Variants in WWTR1 observed in about 807,000 individuals in gnomAD.
WWTR1 encodes the protein WW domain-containing transcription regulator protein 1.
A neutral mutation model predicts 40.1 loss-of-function variants in WWTR1; 13 were observed. The observed-to-expected ratio is 0.32, with a 90% CI of 0.21 to 0.52. WWTR1 has a LOEUF of 0.52. WWTR1 is among the 20% of genes least tolerant of loss of function. The pLI is 0.97. For synonymous variants in WWTR1, 230 were observed against 210.1 expected, an observed-to-expected ratio of 1.09 and a Z score of -0.82; for missense variants, 436 against 523.1, an observed-to-expected ratio of 0.83 and a Z score of 1.63.
intron 5 of WWTR1, among the ~76,000 whole-genome samples, chr3:149,716,064 T>C (rs1042511986): frequency 2.6e-5 from 4 of 152,096 alleles, no homozygotes; most frequent in South Asian, 2.1e-4. Flanking sequence ...GAATTTACTA[T>C]TCAGGGCTAT....
At chr3:149,662,112 A>T (rs930828140), upstream of WWTR1, among the ~76,000 whole-genome samples, 5 of 152,204 alleles carry the variant, frequency 3.3e-5, no homozygotes, top group Non-Finnish European at 5.9e-5. Context: ...GGAGACCTAA[A>T]GATAAGGAAA....
chr3:149,594,736 C>CCACA (rs112400903), intron 2 of WWTR1, among the ~76,000 whole-genome samples: 96 of 149,330 alleles, frequency 6.4e-4, no homozygotes, highest in African/African-American at 1.9e-3. Flanking sequence ...CACACACACA[C>CCACA]CACACACACA....
intron 1 of WWTR1, among the ~76,000 whole-genome samples, chr3:149,681,397 T>C (rs6793987): frequency 0.3 from 45,460 of 151,962 alleles, 7,079 homozygotes; most frequent in Admixed American, 0.39. Context: ...TGATACCTCA[T>C]TGTGGTTTTG....
intron 2 of WWTR1, among the ~76,000 whole-genome samples, chr3:149,611,166 A>C (rs750092807): frequency 3.3e-5 from 5 of 152,072 alleles, no homozygotes; most frequent in Non-Finnish European, 7.4e-5. Flanking sequence ...TAAGAATAAT[A>C]GTAAAAGTTT....
At chr3:149,675,138 T>C (rs1241643669) in intron 1 of WWTR1, among the ~76,000 whole-genome samples, 1 of 151,976 alleles carries the variant, frequency 6.6e-6, no homozygotes, top group African/African-American at 2.4e-5. Flanking sequence ...AGAACTCCAG[T>C]TTTATTTGGG....
intron 2 of WWTR1, among the ~76,000 whole-genome samples, chr3:149,667,700 C>A (rs1180856965): frequency 6.6e-6 from 1 of 152,122 alleles, no homozygotes; most frequent in Non-Finnish European, 1.5e-5. Context: ...TCACATGAAG[C>A]TCTTAACAGC....
chr3:149,647,306 T>G (rs1712586659), intron 2 of WWTR1, among the ~76,000 whole-genome samples: 1 of 152,234 alleles, frequency 6.6e-6, no homozygotes, highest in Non-Finnish European at 1.5e-5. Context: ...AAAACTTTTT[T>G]TTTTAATTTA....
intron 2 of WWTR1, among the ~76,000 whole-genome samples, chr3:149,622,904 A>AATG (rs1474834244): frequency 1.3e-5 from 2 of 151,604 alleles, no homozygotes; most frequent in Admixed American, 6.6e-5. Flanking sequence ...TAATAATAAT[A>AATG]ATGTGCTCGA....
At chr3:149,599,625 A>G (rs943981693) in intron 2 of WWTR1, among the ~76,000 whole-genome samples, 3 of 152,278 alleles carry the variant, frequency 2.0e-5, no homozygotes, top group Non-Finnish European at 4.4e-5. Context: ...TTGAGTGGAA[A>G]TAAGACTTAA....
At chr3:149,599,841 A>G (rs1739168311) in intron 2 of WWTR1, among the ~76,000 whole-genome samples, 1 of 152,234 alleles carries the variant, frequency 6.6e-6, no homozygotes, top group African/African-American at 2.4e-5. Flanking sequence ...CAAGAGTTTG[A>G]GACATCTTTA....
chr3:149,676,829 A>G (rs2108198684), intron 1 of WWTR1, among the ~76,000 whole-genome samples: 1 of 152,032 alleles, frequency 6.6e-6, no homozygotes, highest in African/African-American at 2.4e-5. Flanking sequence ...TCAGCAAAAG[A>G]GTCAGAGAAG....
chr3:149,672,851 A>G (rs1714141200), intron 1 of WWTR1, among the ~76,000 whole-genome samples: 5 of 150,352 alleles, frequency 3.3e-5, no homozygotes. Context: ...TGATACCATC[A>G]CAGCTCATTC....
At position 149,520,545 on chromosome 3, in the gene WWTR1, A is replaced by G. The variant is rs904221620; in HGVS notation, c.*260T>C. ...AAGAGAAAAGTATTCTGCATAATCA[A>G]TCCTGCAGACACAATTCTGTATAAT... On this transcript the variant is annotated 3_prime_UTR_variant, in exon 7 of 7. Transcript: ENST00000360632. 4.9e-5 allele frequency: 16 copies of G among 327,234 alleles called. No homozygotes were observed. The highest frequency in any genetic ancestry group is 7.7e-5 in the Non-Finnish European group (14 of 182,950). 20.3% of individuals were successfully genotyped at this position (327,234 alleles called of 1,614,324 possible).
At chr3:149,648,482 A>G (rs1032551906) in intron 2 of WWTR1, among the ~76,000 whole-genome samples, 2 of 152,166 alleles carry the variant, frequency 1.3e-5, no homozygotes, top group African/African-American at 4.8e-5. Flanking sequence ...GCAATGACTG[A>G]GGAAACAGAA....
chr3:149,698,648 T>G (rs548843372), intron 1 of WWTR1, among the ~76,000 whole-genome samples: 1 of 152,354 alleles, frequency 6.6e-6, no homozygotes, highest in East Asian at 1.9e-4. Context: ...TGTGGCAGGC[T>G]TCTGCCTGGA....
chr3:149,688,471 A>G (rs1313867805), intron 1 of WWTR1, among the ~76,000 whole-genome samples: 1 of 152,184 alleles, frequency 6.6e-6, no homozygotes, highest in Non-Finnish European at 1.5e-5. Flanking sequence ...AGGGAAGAGA[A>G]TAGAAGACTG....
chr3:149,705,654 T>A (rs1715311280), upstream of WWTR1, among the ~76,000 whole-genome samples: 1 of 152,230 alleles, frequency 6.6e-6, no homozygotes, highest in South Asian at 2.1e-4. Context: ...TTCTTCTTAA[T>A]CCTTATATAT....
chr3:149,592,329 T>G (rs1738767650), intron 2 of WWTR1, among the ~76,000 whole-genome samples: 1 of 152,238 alleles, frequency 6.6e-6, no homozygotes, highest in African/African-American at 2.4e-5. Flanking sequence ...CAAAATATAC[T>G]ATTTATGGTA....
chr3:149,602,401 C>T (rs892628004), intron 2 of WWTR1, among the ~76,000 whole-genome samples: 1 of 152,134 alleles, frequency 6.6e-6, no homozygotes. Context: ...GATGGGAAGG[C>T]GTTATTGGCA....
Sources: gnomAD v4.1 joint callset for allele counts (sites outside exome capture counted in the v4.1 genomes callset) on GRCh38, gnomAD v4.1.1 for gene constraint, MANE v1.5 for transcripts, NCBI Gene and HGNC (gene_info 2026-07-23, HGNC 2026-07-21) for gene names.